The following TG variants were observed in gnomAD, a reference collection of about 807,000 sequenced individuals.
The protein encoded by TG is thyroglobulin, also known as thyroid hormones.
A neutral mutation model predicts 324.7 loss-of-function variants in TG; 270 were observed. The observed-to-expected ratio is 0.83, with a 90% confidence interval of 0.75 to 0.92. The LOEUF (loss-of-function observed/expected upper bound fraction) is 0.92, where lower values mean the gene tolerates loss of function less well. TG is among the 40% of genes least tolerant of loss of function. The pLI is 0.00. For missense variants in TG, 3,591 were observed against 3,456.4 expected, an observed-to-expected ratio of 1.04 and a Z score of -0.98; for synonymous variants, 1,401 against 1,327.0, an observed-to-expected ratio of 1.06 and a Z score of -1.21.
chr8:133,079,593 G>A (rs1480366986), intron 41 of TG, among the ~76,000 whole-genome samples: 4 of 152,116 alleles, frequency 2.6e-5, no homozygotes, highest in South Asian at 2.1e-4. Context: ...AGCATCATGC[G>A]GCAGATGTGA....
chr8:133,001,133 T>G (rs1833444981), intron 35 of TG, among the ~76,000 whole-genome samples: 1 of 152,156 alleles, frequency 6.6e-6, no homozygotes, highest in Non-Finnish European at 1.5e-5. Context: ...TCTAATGAAC[T>G]CATTTTAACG....
intron 41 of TG, among the ~76,000 whole-genome samples, chr8:133,060,639 C>T (rs996817354): frequency 6.6e-6 from 1 of 152,200 alleles, no homozygotes; most frequent in Non-Finnish European, 1.5e-5. Flanking sequence ...GGAGAAGGTA[C>T]TTTCTGCTGC....
intron 18 of TG, among the ~76,000 whole-genome samples, chr8:132,910,966 A>T (rs1819434194): frequency 6.6e-6 from 1 of 152,178 alleles, no homozygotes; most frequent in Non-Finnish European, 1.5e-5. Context: ...ACTCAGCCAC[A>T]CTTAGGCTGG....
At chr8:132,990,158 T>TTTTA (rs1832125694) in intron 35 of TG, among the ~76,000 whole-genome samples, 3 of 141,702 alleles carry the variant, frequency 2.1e-5, no homozygotes, top group South Asian at 4.5e-4. Context: ...AGCTATACAA[T>TTTTA]TATATATATA....
chr8:132,923,535 T>C (rs1467743450), intron 22 of TG, 27 bp downstream of exon 22: 1 of 1,609,012 alleles, frequency 6.2e-7, no homozygotes, highest in Admixed American at 1.7e-5. Context: ...AAATCAGTCA[T>C]GGTTCCTGGG....
At chr8:133,035,282 T>G (rs184585823) in intron 41 of TG, among the ~76,000 whole-genome samples, 15 of 152,324 alleles carry the variant, frequency 9.8e-5, no homozygotes, top group Admixed American at 2.0e-4. Context: ...AACCTAAGGA[T>G]TTGTTTTTTA....
At chr8:132,934,857 G>A (rs1823334847) in intron 24 of TG, among the ~76,000 whole-genome samples, 1 of 152,138 alleles carries the variant, frequency 6.6e-6, no homozygotes, top group Non-Finnish European at 1.5e-5. Flanking sequence ...ATCAGAAAGG[G>A]CCAAGAATTG....
intron 35 of TG, among the ~76,000 whole-genome samples, chr8:133,003,641 A>G (rs989943261): frequency 2.0e-5 from 3 of 152,210 alleles, no homozygotes; most frequent in Admixed American, 1.3e-4. Context: ...GGTGCTTTCT[A>G]GAAAGGAATA....
intron 41 of TG, among the ~76,000 whole-genome samples, chr8:133,071,314 G>T (rs1300488120): frequency 6.6e-6 from 1 of 152,212 alleles, no homozygotes; most frequent in Non-Finnish European, 1.5e-5. Context: ...GTCGGAGTTT[G>T]CCCAGCTGGA....
chr8:133,017,535 G>A (rs1052275704), intron 37 of TG, among the ~76,000 whole-genome samples: 1 of 152,190 alleles, frequency 6.6e-6, no homozygotes, highest in Non-Finnish European at 1.5e-5. Flanking sequence ...GAAGGGATTA[G>A]CATTGCATTC....
chr8:133,114,747 G>C (rs1266044416), intron 44 of TG, among the ~76,000 whole-genome samples: 1 of 152,134 alleles, frequency 6.6e-6, no homozygotes, highest in African/African-American at 2.4e-5. Context: ...GTTGTCCCTG[G>C]GGACAGAGCC....
intron 34 of TG, among the ~76,000 whole-genome samples, chr8:132,981,225 C>A (rs1372624930): frequency 6.6e-6 from 1 of 152,210 alleles, no homozygotes; most frequent in African/African-American, 2.4e-5. Context: ...ACGTGAGATG[C>A]ATGGTAATCC....
chr8:132,900,250 C>T lies in TG; in HGVS notation c.3344C>T (p.Ala1115Val). The T allele has an allele frequency of 1.2e-5, 19 of 1,613,836 alleles. No homozygotes were observed. Among genetic ancestry groups the T allele is most frequent in the Non-Finnish European group, 1.6e-5 (19 of 1,179,934 alleles). The change falls in exon 15 of 48, where the codon GCC (alanine) becomes GTC (valine). Residue 1115 changes from alanine (A) to valine (V), a missense_variant. Coordinates refer to ENST00000220616, the MANE Select transcript of TG (RefSeq NM_003235.5). ...VPACLETGEY[A>V]RLQASGAGTW... Reference sequence around the variant, plus strand: ...GCTTTGTCTCAGACAGGAGAGTATGCCAGGCTGCAGGCATCGGGGGCTGGC... The same window carrying T: ...GCTTTGTCTCAGACAGGAGAGTATGTCAGGCTGCAGGCATCGGGGGCTGGC...
intron 29 of TG, 91 bp downstream of exon 29, chr8:132,963,165 T>A (rs932275167): frequency 2.6e-5 from 29 of 1,120,182 alleles, no homozygotes; most frequent in Non-Finnish European, 4.0e-5. Flanking sequence ...AACGGACGTA[T>A]TGACATCACT....
At chr8:132,885,199 T>C (rs1483841449) in intron 8 of TG, among the ~76,000 whole-genome samples, 2 of 151,988 alleles carry the variant, frequency 1.3e-5, no homozygotes, top group African/African-American at 4.8e-5. Flanking sequence ...TTACTTTACA[T>C]CCACCTATGT....
intron 11 of TG, among the ~76,000 whole-genome samples, chr8:132,896,855 A>G (rs1817186953): frequency 6.6e-6 from 1 of 152,132 alleles, no homozygotes; most frequent in Admixed American, 6.5e-5. Flanking sequence ...TGGGAACACT[A>G]TGTACTATGT....
intron 10 of TG, among the ~76,000 whole-genome samples, chr8:132,889,402 A>C (rs1815903236): frequency 6.6e-6 from 1 of 152,226 alleles, no homozygotes; most frequent in South Asian, 2.1e-4. Context: ...CCATTAGACT[A>C]TTTTGATATT....
chr8:132,989,738 A>G (rs73708808), intron 35 of TG, among the ~76,000 whole-genome samples: 3,171 of 152,290 alleles, frequency 0.021, 89 homozygotes, highest in African/African-American at 0.07. Context: ...TCTTTTCTGC[A>G]AATGTTTTTC....
intron 27 of TG, among the ~76,000 whole-genome samples, chr8:132,952,375 T>C (rs989439261): frequency 1.4e-4 from 22 of 152,312 alleles, no homozygotes; most frequent in African/African-American, 5.1e-4. Flanking sequence ...TTTGACCACC[T>C]TCAGCCTCAG....
Sources: gnomAD v4.1 joint callset for allele counts (sites outside exome capture counted in the v4.1 genomes callset) on GRCh38, gnomAD v4.1.1 for gene constraint, MANE v1.5 for transcripts, NCBI Gene and HGNC (gene_info 2026-07-23, HGNC 2026-07-21) for gene names.